Variants in FBXO11 observed in about 807,000 individuals in gnomAD.
The protein encoded by FBXO11 is F-box protein 11.
Under a neutral mutation model 117.0 loss-of-function variants are expected in FBXO11, and 13 were observed. The ratio of observed to expected loss-of-function variants is 0.11; its 90% CI spans 0.07 to 0.18. FBXO11 has a LOEUF of 0.18. Ranked by LOEUF, FBXO11 falls within the 10% of genes least tolerant of loss-of-function variation. The pLI, the probability that FBXO11 is intolerant of heterozygous loss-of-function variation, is 1.00. For synonymous variants in FBXO11, 490 were observed against 380.5 expected (o/e 1.29, Z -3.35); for missense variants, 767 against 1,164.4 (o/e 0.66, Z 4.97).
chr2:47,900,399 G>C (rs1476388677), intron 1 of FBXO11, among the ~76,000 whole-genome samples: 1 of 151,948 alleles, frequency 6.6e-6, no homozygotes, highest in Non-Finnish European at 1.5e-5. Flanking sequence ...AGACTGCACA[G>C]GATCCATGAA....
At chr2:47,835,425 G>T (rs1192449774) in intron 5 of FBXO11, among the ~76,000 whole-genome samples, 1 of 152,182 alleles carries the variant, frequency 6.6e-6, no homozygotes, top group Non-Finnish European at 1.5e-5. Context: ...ACTTATTAAT[G>T]GGGGGATATG....
At chr2:47,832,543 GA>G (rs368351892) in intron 10 of FBXO11, 28 bp downstream of exon 10, 11 of 1,606,366 alleles carry the variant, frequency 6.8e-6, no homozygotes, top group South Asian at 2.2e-5. Context: ...TTTCTAAAAA[GA>G]AAAAAACCAC....
In FBXO11 at chr2:47,838,840, G is replaced by T; in HGVS notation, c.587+19C>A. 1 of 1,604,030 alleles carries T rather than the reference G, an allele frequency of 6.2e-7. No homozygotes were observed. The highest frequency in any genetic ancestry group is 8.5e-7 in the Non-Finnish European group (1 of 1,173,936). On this transcript the variant is annotated intron_variant, in intron 4 of 22. Transcript: ENST00000403359. ...CAAATAACATATCTCAAGTTAATAA[G>T]GAATAGGTTTTTACTTACCACAAAA...
chr2:47,894,451 T>C (rs535374228), intron 1 of FBXO11, among the ~76,000 whole-genome samples: 1 of 152,248 alleles, frequency 6.6e-6, no homozygotes, highest in African/African-American at 2.4e-5. Context: ...CAAACTTAAG[T>C]GGAGAAACAA....
intron 7 of FBXO11, among the ~76,000 whole-genome samples, chr2:47,834,201 T>A (rs572653022): frequency 1.3e-5 from 2 of 151,988 alleles, no homozygotes; most frequent in African/African-American, 2.4e-5. Context: ...AATACAAAAA[T>A]TAGCCACGCA....
chr2:47,832,512 A>C, intron 10 of FBXO11, 26 bp from the exon 11 acceptor site: 2 of 1,610,308 alleles, frequency 1.2e-6, no homozygotes, highest in Non-Finnish European at 1.7e-6. Context: ...AGAAACAAAC[A>C]TCAGTAGAGC....
At chr2:47,842,068 T>G (rs989598350) in intron 1 of FBXO11, among the ~76,000 whole-genome samples, 1 of 151,450 alleles carries the variant, frequency 6.6e-6, no homozygotes, top group Non-Finnish European at 1.5e-5. Context: ...CAGGCTGGAG[T>G]GCAGTTGCGC....
At chr2:47,876,396 T>G (rs1207728704) in intron 1 of FBXO11, among the ~76,000 whole-genome samples, 5 of 152,254 alleles carry the variant, frequency 3.3e-5, no homozygotes, top group African/African-American at 4.8e-5. Flanking sequence ...CTCCCTGGTT[T>G]ACTATTCTTG....
chr2:47,905,325 C>A, intron 1 of FBXO11, 164 bp downstream of exon 1: 1 of 668,386 alleles, frequency 1.5e-6, no homozygotes, highest in Non-Finnish European at 2.0e-6. Flanking sequence ...CCGGGCCCGG[C>A]CCGGGCTGAC....
chr2:47,832,704 A>G (rs919120866), intron 9 of FBXO11, 26 bp from the exon 10 acceptor site: 1 of 1,610,226 alleles, frequency 6.2e-7, no homozygotes, highest in East Asian at 2.2e-5. Context: ...TTATTTATGT[A>G]AAAACCTACT....
intron 3 of FBXO11, 36 bp from the exon 4 acceptor site, chr2:47,839,039 C>T (rs746396189): frequency 1.9e-6 from 3 of 1,561,888 alleles, no homozygotes; most frequent in South Asian, 2.5e-5. Context: ...ATCATTCGAG[C>T]AATAACTTTC....
chr2:47,876,611 G>A (rs1439608624), intron 1 of FBXO11, among the ~76,000 whole-genome samples: 1 of 152,130 alleles, frequency 6.6e-6, no homozygotes, highest in African/African-American at 2.4e-5. Context: ...TGGTAAATAC[G>A]TTGTTAATTT....
intron 1 of FBXO11, among the ~76,000 whole-genome samples, chr2:47,850,456 T>C (rs562487042): frequency 9.9e-5 from 15 of 152,216 alleles, no homozygotes; most frequent in East Asian, 7.7e-4. Context: ...TCAGAAAGCA[T>C]AGACTAGCTA....
In FBXO11 at chr2:47,878,479, C is replaced by T. The variant is rs193283020; in HGVS notation, c.232+27010G>A. On this transcript the variant is annotated intron_variant, in intron 1 of 22. Coordinates refer to ENST00000403359, the MANE Select transcript of FBXO11 (RefSeq NM_001190274.2). ...TCAAGCAATTCTCCTGCCTCAGCCT[C>T]CCGAGTAGCTGGGATTACAGGTGCC... is the stretch of plus-strand genomic sequence containing the variant. 3.4e-3 allele frequency among the ~76,000 whole-genome samples: 523 copies of T among 152,108 alleles called. 2 individuals are homozygous for T. Among genetic ancestry groups the T allele is most frequent in the African/African-American group, 0.012 (486 of 41,532 alleles).
chr2:47,865,254 C>T (rs1675108781), intron 1 of FBXO11, among the ~76,000 whole-genome samples: 2 of 152,200 alleles, frequency 1.3e-5, no homozygotes, highest in South Asian at 4.1e-4. Flanking sequence ...CACAGATGAA[C>T]ATCTTGAATA....
At chr2:47,901,030 T>C (rs185413460) in intron 1 of FBXO11, among the ~76,000 whole-genome samples, 2 of 139,304 alleles carry the variant, frequency 1.4e-5, no homozygotes, top group African/African-American at 2.6e-5. Context: ...TGTATATATA[T>C]ACACACGTGT....
chr2:47,807,321 AGTT>A lies in FBXO11; in HGVS notation c.*794_*796del, dbSNP rs1397502098. On this transcript the variant is annotated 3_prime_UTR_variant, in exon 23 of 23. Coordinates refer to ENST00000403359, the MANE Select transcript of FBXO11 (RefSeq NM_001190274.2). Reference sequence around the variant, plus strand: ...TAGTTTTTTACCTTTCACAAAACTGAGTTACAAGAATACTTTTGTTTTACAGTG... The same window carrying A: ...TAGTTTTTTACCTTTCACAAAACTGAACAAGAATACTTTTGTTTTACAGTG... The A allele has an allele frequency of 4.7e-6, 1 of 214,376 alleles. No homozygotes were observed. The highest frequency in any genetic ancestry group is 2.3e-5 in the African/African-American group (1 of 44,136). 13.3% of individuals were successfully genotyped at this position (214,376 alleles called of 1,614,324 possible).
Position 47,905,629 on chromosome 2 carries a change from G to C in FBXO11, c.92C>G (p.Pro31Arg). The change falls in exon 1 of 23, where the codon CCG becomes CGG. Residue 31 changes from proline (P) to arginine (R), a missense_variant. Physicochemically the swap from Pro to Arg is moderately radical, Grantham distance 103. This residue lies in a region of FBXO11 where 355 missense variants were observed against 299.8 expected (regional missense o/e 1.18). Coordinates refer to ENST00000403359, the MANE Select transcript of FBXO11 (RefSeq NM_001190274.2). ...QQQQQQPPQQ[P>R]PPQPPQQQPP... The stretch of plus-strand genomic sequence containing the variant: ...CTGCTGCTGGGGCGGCTGCGGCGGC[G>C]GCTGCTGCGGGGGCTGCTGCTGCTG... 7.2e-7 allele frequency: 1 copy of C among 1,392,680 alleles called. No individual in the cohort carries two copies. The highest frequency in any genetic ancestry group is 9.3e-7 in the Non-Finnish European group (1 of 1,070,978). 86.3% of individuals were successfully genotyped at this position (1,392,680 alleles called of 1,614,324 possible). A position where few individuals can be genotyped will look rare whatever the true frequency, so the allele number is the denominator to read the frequency against.
chr2:47,880,788 C>T (rs1676372713), intron 1 of FBXO11, among the ~76,000 whole-genome samples: 2 of 152,134 alleles, frequency 1.3e-5, no homozygotes, highest in Admixed American at 1.3e-4. Context: ...AAATTATTTT[C>T]ATTTGCATTT....
Sources: allele counts gnomAD v4.1 joint callset (sites outside exome capture counted in the v4.1 genomes callset), GRCh38; gene constraint gnomAD v4.1.1; regional missense constraint gnomAD v4.1.1; transcripts MANE v1.5; gene names NCBI Gene and HGNC (gene_info 2026-07-23, HGNC 2026-07-21).